NCAM2: variants seen among roughly 807,000 people sequenced by gnomAD.
The protein encoded by NCAM2 is N-CAM-2.
In NCAM2, 30 loss-of-function variants were observed where a neutral mutation model predicts 98.1. That is an observed-to-expected ratio of 0.31 (90% CI 0.23 to 0.41). NCAM2 has a LOEUF of 0.41. Ranked by LOEUF, NCAM2 falls within the 10% of genes least tolerant of loss-of-function variation. The probability of loss-of-function intolerance (pLI) is 1.00; values close to 1 mark genes in which losing one functional copy is unlikely to be tolerated. For synonymous variants in NCAM2, 368 were observed against 342.4 expected, an observed-to-expected ratio of 1.07 and a Z score of -0.83; for missense variants, 867 against 1,005.8, an observed-to-expected ratio of 0.86 and a Z score of 1.87.
At chr21:21,042,514 A>ACAAATTACAAATGT in intron 1 of NCAM2, among the ~76,000 whole-genome samples, 2 of 152,144 alleles carry the variant, frequency 1.3e-5, no homozygotes, top group African/African-American at 4.8e-5. Context: ...TTTAACAGAT[A>ACAAATTACAAATGT]TAAGCCTCAT....
intron 1 of NCAM2, among the ~76,000 whole-genome samples, chr21:21,081,770 C>CA (rs2065805254): frequency 6.6e-6 from 1 of 151,410 alleles, no homozygotes; most frequent in African/African-American, 2.4e-5. Flanking sequence ...CACTGCACTC[C>CA]AGCCAGGGTG....
chr21:21,203,636 C>T (rs1054808491), intron 1 of NCAM2, among the ~76,000 whole-genome samples: 1 of 152,146 alleles, frequency 6.6e-6, no homozygotes, highest in East Asian at 1.9e-4. Flanking sequence ...TATGCTCAAT[C>T]AAGAGTTTAT....
At chr21:21,034,752 T>A (rs1333891282) in intron 1 of NCAM2, among the ~76,000 whole-genome samples, 2 of 152,142 alleles carry the variant, frequency 1.3e-5, no homozygotes, top group Admixed American at 6.5e-5. Context: ...TGAAATGTAT[T>A]TTTTTTCTCT....
chr21:21,052,033 A>G (rs919235683), intron 1 of NCAM2, among the ~76,000 whole-genome samples: 3 of 152,066 alleles, frequency 2.0e-5, no homozygotes, highest in African/African-American at 7.2e-5. Context: ...GGTAAATTGC[A>G]TGATGCTGAG....
intron 15 of NCAM2, among the ~76,000 whole-genome samples, chr21:21,489,465 C>A (rs1406697820): frequency 6.6e-6 from 1 of 151,726 alleles, no homozygotes; most frequent in East Asian, 1.9e-4. Flanking sequence ...CTCTGTCTCT[C>A]TTATGCTTCC....
chr21:21,389,942 C>G (rs1327798508), intron 9 of NCAM2, among the ~76,000 whole-genome samples: 1 of 152,142 alleles, frequency 6.6e-6, no homozygotes, highest in African/African-American at 2.4e-5. Flanking sequence ...CTCCACCTCT[C>G]CGGTTCAAGC....
At chr21:21,010,765 G>A (rs1018045672) in intron 1 of NCAM2, among the ~76,000 whole-genome samples, 14 of 152,220 alleles carry the variant, frequency 9.2e-5, no homozygotes, top group African/African-American at 3.4e-4. Flanking sequence ...GGATGTGGAT[G>A]TGTGATGGAA....
chr21:21,277,661 A>T (rs1388850516), intron 1 of NCAM2, among the ~76,000 whole-genome samples: 1 of 152,134 alleles, frequency 6.6e-6, no homozygotes, highest in Non-Finnish European at 1.5e-5. Context: ...TGGAAAGGCA[A>T]GTTTCCTTCC....
intron 1 of NCAM2, among the ~76,000 whole-genome samples, chr21:21,186,578 G>A (rs958433500): frequency 2.6e-5 from 4 of 151,980 alleles, no homozygotes; most frequent in African/African-American, 9.7e-5. Flanking sequence ...TAATACCTGT[G>A]AACCTCAAGA....
chr21:21,265,811 T>G (rs1009466088), intron 1 of NCAM2, among the ~76,000 whole-genome samples: 7 of 152,038 alleles, frequency 4.6e-5, no homozygotes, highest in Non-Finnish European at 1.0e-4. Flanking sequence ...CTACTCACTG[T>G]GTTCACCATT....
At chr21:21,185,940 C>T (rs927498386) in intron 1 of NCAM2, among the ~76,000 whole-genome samples, 2 of 152,096 alleles carry the variant, frequency 1.3e-5, no homozygotes, top group Non-Finnish European at 2.9e-5. Context: ...AAGACAGGAT[C>T]GTGATAGCCA....
At chr21:21,450,636 T>G (rs1980894804) in intron 12 of NCAM2, among the ~76,000 whole-genome samples, 1 of 152,082 alleles carries the variant, frequency 6.6e-6, no homozygotes, top group African/African-American at 2.4e-5. Context: ...TGCCTTAGCC[T>G]TTCTTTTCTG....
chr21:21,293,470 G>A (rs1373935762), intron 5 of NCAM2, among the ~76,000 whole-genome samples: 1 of 151,560 alleles, frequency 6.6e-6, no homozygotes, highest in Non-Finnish European at 1.5e-5. Flanking sequence ...CCTTCCCTAA[G>A]CATTCTGCCA....
At chr21:21,063,739 T>C (rs2065372615) in intron 1 of NCAM2, among the ~76,000 whole-genome samples, 1 of 152,220 alleles carries the variant, frequency 6.6e-6, no homozygotes, top group African/African-American at 2.4e-5. Context: ...CAGTGGTTTC[T>C]TTGGTATTTA....
At chr21:21,196,587 G>C (rs1289762373) in intron 1 of NCAM2, among the ~76,000 whole-genome samples, 2 of 152,212 alleles carry the variant, frequency 1.3e-5, no homozygotes, top group Non-Finnish European at 2.9e-5. Flanking sequence ...AGGGTCACAA[G>C]ATCAAATTCT....
chr21:21,068,793 C>T (rs761128345), intron 1 of NCAM2, among the ~76,000 whole-genome samples: 33 of 152,222 alleles, frequency 2.2e-4, no homozygotes, highest in Admixed American at 1.0e-3. Context: ...ATCTGCGTAA[C>T]GGGTGCTACA....
intron 1 of NCAM2, among the ~76,000 whole-genome samples, chr21:21,072,812 G>A (rs756302338): frequency 6.6e-6 from 1 of 151,554 alleles, no homozygotes; most frequent in African/African-American, 2.4e-5. Flanking sequence ...ACTTTCTCTC[G>A]TGGTAAAATA....
intron 1 of NCAM2, among the ~76,000 whole-genome samples, chr21:21,028,239 A>G (rs1424362082): frequency 6.6e-6 from 1 of 152,174 alleles, no homozygotes; most frequent in Non-Finnish European, 1.5e-5. Context: ...TGTTTTTACA[A>G]TTTTGACATT....
intron 1 of NCAM2, among the ~76,000 whole-genome samples, chr21:21,000,960 C>T (rs948285429): frequency 9.9e-5 from 15 of 152,066 alleles, no homozygotes; most frequent in Non-Finnish European, 1.9e-4. Context: ...ATGGAAAAGC[C>T]ACCAGTCAGT....
Sources: allele counts gnomAD v4.1 joint callset (sites outside exome capture counted in the v4.1 genomes callset), GRCh38; gene constraint gnomAD v4.1.1; transcripts MANE v1.5; gene names NCBI Gene and HGNC (gene_info 2026-07-23, HGNC 2026-07-21).